Variants in LAMC1 observed in about 807,000 individuals in gnomAD.
The protein encoded by LAMC1 is laminin subunit gamma-1.
LAMC1 carries 38 observed loss-of-function variants against 173.6 expected under a neutral mutation model. That is an observed-to-expected ratio of 0.22 (90% CI 0.17 to 0.29). The LOEUF is 0.29. Among genes scored for constraint, LAMC1 ranks in the 10% least tolerant of loss-of-function variants. The pLI, the probability that LAMC1 is intolerant of heterozygous loss-of-function variation, is 1.00. For missense variants in LAMC1, 1,824 were observed against 2,051.8 expected (o/e 0.89, Z 2.14); for synonymous variants, 746 against 749.1 (o/e 1.00, Z 0.07).
intron 1 of LAMC1, among the ~76,000 whole-genome samples, chr1:183,028,430 A>G (rs1653751493): frequency 6.6e-6 from 1 of 152,298 alleles, no homozygotes; most frequent in Middle Eastern, 3.4e-3. Flanking sequence ...CACACTCATA[A>G]TGGCATTACA....
At chr1:183,100,632 A>C (rs971319196) in intron 1 of LAMC1, among the ~76,000 whole-genome samples, 1 of 152,228 alleles carries the variant, frequency 6.6e-6, no homozygotes, top group Non-Finnish European at 1.5e-5. Flanking sequence ...TCTTGAACTC[A>C]TAAATCTGGG....
At chr1:183,039,606 G>A (rs757039778) in intron 1 of LAMC1, among the ~76,000 whole-genome samples, 1 of 152,054 alleles carries the variant, frequency 6.6e-6, no homozygotes, top group South Asian at 2.1e-4. Context: ...TTTGCCATAC[G>A]CCCTGAAATA....
At chr1:183,112,038 C>G (rs983331609) in intron 4 of LAMC1, among the ~76,000 whole-genome samples, 1 of 152,110 alleles carries the variant, frequency 6.6e-6, no homozygotes, top group Admixed American at 6.5e-5. Flanking sequence ...GACTCCGTCT[C>G]AAAAAACAAA....
At chr1:183,082,075 T>G (rs1320363902) in intron 1 of LAMC1, among the ~76,000 whole-genome samples, 1 of 152,266 alleles carries the variant, frequency 6.6e-6, no homozygotes, top group Non-Finnish European at 1.5e-5. Flanking sequence ...GATAGCTCAT[T>G]CTTTTTATCA....
chr1:183,087,150 A>T (rs1319854498), intron 1 of LAMC1, among the ~76,000 whole-genome samples: 1 of 152,088 alleles, frequency 6.6e-6, no homozygotes, highest in Non-Finnish European at 1.5e-5. Flanking sequence ...CCCTTATTTT[A>T]TCTATGTATC....
intron 1 of LAMC1, among the ~76,000 whole-genome samples, chr1:183,027,508 C>T (rs370868282): frequency 3.9e-5 from 6 of 152,286 alleles, no homozygotes; most frequent in South Asian, 2.1e-4. Context: ...ACTTGGCAGA[C>T]AGGATCCTAA....
At chr1:183,111,924 A>ACTC (rs1282234457) in intron 4 of LAMC1, among the ~76,000 whole-genome samples, 3 of 152,112 alleles carry the variant, frequency 2.0e-5, no homozygotes, top group Admixed American at 6.5e-5. Flanking sequence ...AATCACAGCT[A>ACTC]CTCACTTGGG....
intron 24 of LAMC1, among the ~76,000 whole-genome samples, chr1:183,135,696 A>G (rs961795553): frequency 5.3e-5 from 8 of 152,024 alleles, no homozygotes; most frequent in Non-Finnish European, 1.2e-4. Context: ...TCACTGGGGA[A>G]TATAGTGAGA....
At chr1:183,025,967 C>T (rs1405795382) in intron 1 of LAMC1, among the ~76,000 whole-genome samples, 3 of 152,118 alleles carry the variant, frequency 2.0e-5, no homozygotes, top group African/African-American at 7.2e-5. Flanking sequence ...AAAGATAATG[C>T]GGTAGAGTAA....
chr1:183,106,740 G>T (rs1211736535), intron 2 of LAMC1, among the ~76,000 whole-genome samples: 1 of 152,044 alleles, frequency 6.6e-6, no homozygotes, highest in Non-Finnish European at 1.5e-5. Context: ...TGTTAGCCTG[G>T]GTCACTCACC....
intron 13 of LAMC1, 32 bp downstream of exon 13, chr1:183,122,283 T>G (rs1656498510): frequency 6.2e-7 from 1 of 1,600,408 alleles, no homozygotes; most frequent in Admixed American, 1.7e-5. Context: ...GCTTTCAGTG[T>G]TCCCTTCTAT....
chr1:183,140,267 C>T (rs1243101734), intron 26 of LAMC1, 137 bp from the exon 27 acceptor site: 1 of 98,916 alleles, frequency 1.0e-5, no homozygotes, highest in Non-Finnish European at 1.9e-5. Context: ...AAAAAAAAAG[C>T]AATGAGAGGT....
At chr1:183,057,364 G>A (rs1353063085) in intron 1 of LAMC1, among the ~76,000 whole-genome samples, 1 of 152,176 alleles carries the variant, frequency 6.6e-6, no homozygotes, top group Non-Finnish European at 1.5e-5. Context: ...TCTTTGATGG[G>A]TAAGCAGATT....
intron 3 of LAMC1, 134 bp downstream of exon 3, chr1:183,108,540 C>A: frequency 1.5e-6 from 1 of 681,264 alleles, no homozygotes; most frequent in Non-Finnish European, 2.3e-6. Flanking sequence ...GGCAGTCCTT[C>A]CTGTGTGATA....
At chr1:183,140,245 CAAAAAAA>C (rs56152259) in intron 26 of LAMC1, among the ~76,000 whole-genome samples, 152 bp from the exon 27 acceptor site, 1 of 52,936 alleles carries the variant, frequency 1.9e-5, no homozygotes, top group South Asian at 8.5e-4. Context: ...GCAGCCCCAC[CAAAAAAA>C]AAAAAAAAAA....
At chr1:183,123,822 A>G (rs894317077) in intron 13 of LAMC1, among the ~76,000 whole-genome samples, 2 of 152,366 alleles carry the variant, frequency 1.3e-5, no homozygotes, top group African/African-American at 4.8e-5. Flanking sequence ...CAGTGCTGGT[A>G]TATAGTAGAT....
chr1:183,027,373 CTTATAAG>C (rs1254504368), intron 1 of LAMC1, among the ~76,000 whole-genome samples: 2 of 152,148 alleles, frequency 1.3e-5, no homozygotes, highest in East Asian at 1.9e-4. Flanking sequence ...GGTTTTATGT[CTTATAAG>C]TTATAGTAAG....
chr1:183,034,030 A>G (rs1055620276), intron 1 of LAMC1, among the ~76,000 whole-genome samples: 2 of 151,930 alleles, frequency 1.3e-5, no homozygotes, highest in Non-Finnish European at 2.9e-5. Flanking sequence ...AAATATTTCC[A>G]GTGATCTGAA....
rs758033148 is a variant in LAMC1, at chr1:183,136,416, C to T, written c.4145C>T (p.Thr1382Met). 18 of 1,614,112 alleles carry T rather than the reference C, an allele frequency of 1.1e-5. 1 individual carries two copies. The Middle Eastern group carries it at 4.9e-4, about 44-fold the overall frequency. Reference sequence around the variant, plus strand: ...GATAGGCGTGTGAACGATAACAAGACGGCCGCAGAGGAGGCACTAAGGAAG... The same window carrying T: ...GATAGGCGTGTGAACGATAACAAGATGGCCGCAGAGGAGGCACTAAGGAAG... ...DFDRRVNDNK[T>M]AAEEALRKIP... is the part of the protein sequence containing the mutation. The change falls in exon 25 of 28, where the codon ACG (threonine) becomes ATG (methionine). Residue 1382 changes from threonine (T) to methionine (M), a missense_variant. Physicochemically the swap from Thr to Met is moderately conservative, Grantham distance 81 (BLOSUM62 -1). Coordinates refer to ENST00000258341, the MANE Select transcript of LAMC1 (RefSeq NM_002293.4).
Sources: allele counts gnomAD v4.1 joint callset (sites outside exome capture counted in the v4.1 genomes callset), GRCh38; gene constraint gnomAD v4.1.1; transcripts MANE v1.5; gene names NCBI Gene and HGNC (gene_info 2026-07-23, HGNC 2026-07-21).